DYNC1I1: variants seen among roughly 807,000 people sequenced by gnomAD.
The protein encoded by DYNC1I1 is cytoplasmic dynein 1 intermediate chain 1.
A neutral mutation model predicts 86.6 loss-of-function variants in DYNC1I1; 43 were observed. That is an observed-to-expected ratio of 0.50 (90% CI 0.39 to 0.64). The LOEUF is 0.64. DYNC1I1 is among the 30% of genes least tolerant of loss of function. The pLI, the probability that DYNC1I1 is intolerant of heterozygous loss-of-function variation, is 0.00. For synonymous variants in DYNC1I1, 262 were observed against 283.7 expected, an observed-to-expected ratio of 0.92 and a Z score of 0.77; for missense variants, 604 against 788.8, an observed-to-expected ratio of 0.77 and a Z score of 2.81.
chr7:95,877,707 C>CAGACAGCTA (rs2116206926), intron 6 of DYNC1I1, among the ~76,000 whole-genome samples: 1 of 152,334 alleles, frequency 6.6e-6, no homozygotes, highest in South Asian at 2.1e-4. Flanking sequence ...ACCAGGAAAA[C>CAGACAGCTA]AGACAGCTAA....
chr7:96,089,945 T>A (rs42064), intron 16 of DYNC1I1, among the ~76,000 whole-genome samples: 94,430 of 151,984 alleles, frequency 0.62, 29,917 homozygotes, highest in Middle Eastern at 0.75. Flanking sequence ...AATATGACAG[T>A]TGAGCTTGTG....
Position 95,984,946 on chromosome 7 carries a change from T to C in DYNC1I1, c.712T>C (p.Tyr238His). Reference sequence around the variant, plus strand: ...TGAAGATTCCGACATCTTTTTTGACTACAGCGGCCGAGAGTTAGAGGAAAA... The same window carrying C: ...TGAAGATTCCGACATCTTTTTTGACCACAGCGGCCGAGAGTTAGAGGAAAA... ...LAEDSDIFFD[Y>H]SGRELEEKDG... is the part of the protein sequence containing the mutation. The change falls in exon 8 of 17, where the codon TAC (tyrosine) becomes CAC (histidine). Residue 238 changes from tyrosine (Y) to histidine (H), a missense_variant. Tyr to His is a moderately conservative substitution (Grantham distance 83, BLOSUM62 2). Coordinates refer to ENST00000447467, the MANE Select transcript of DYNC1I1 (RefSeq NM_001135556.2). 6.2e-7 allele frequency: 1 copy of C among 1,613,534 alleles called. No individual in the cohort carries two copies. Among genetic ancestry groups the C allele is most frequent in the Non-Finnish European group, 8.5e-7 (1 of 1,179,664 alleles).
chr7:96,108,674 C>T (rs1364431823), intron 16 of DYNC1I1, among the ~76,000 whole-genome samples: 5 of 151,590 alleles, frequency 3.3e-5, no homozygotes, highest in African/African-American at 1.2e-4. Context: ...CCAGCCTGGC[C>T]AAGATGGTAA....
chr7:96,107,693 G>A (rs529511846), intron 16 of DYNC1I1, among the ~76,000 whole-genome samples: 12 of 151,684 alleles, frequency 7.9e-5, no homozygotes, highest in East Asian at 5.9e-4. Flanking sequence ...CACCACACTC[G>A]GCTAATTTTT....
chr7:95,996,964 TTCTA>T (rs567565660), intron 10 of DYNC1I1, among the ~76,000 whole-genome samples: 3 of 152,206 alleles, frequency 2.0e-5, no homozygotes, highest in African/African-American at 4.8e-5. Context: ...TAGTGCCATT[TTCTA>T]TCTAAGAGCC....
chr7:96,006,306 A>G (rs988286403), intron 10 of DYNC1I1, among the ~76,000 whole-genome samples: 1 of 152,214 alleles, frequency 6.6e-6, no homozygotes, highest in Non-Finnish European at 1.5e-5. Flanking sequence ...CATCACAGGC[A>G]TAAATGACAC....
chr7:96,096,405 A>G (rs1049018848), intron 16 of DYNC1I1, among the ~76,000 whole-genome samples: 1 of 152,114 alleles, frequency 6.6e-6, no homozygotes, highest in Non-Finnish European at 1.5e-5. Context: ...ACTAGTACCT[A>G]TAGGTAAATT....
At position 96,098,285 on chromosome 7, in the gene DYNC1I1, T is replaced by A; in HGVS notation, c.*692T>A. On this transcript the variant is annotated 3_prime_UTR_variant, in exon 17 of 17. Coordinates refer to ENST00000447467, the MANE Select transcript of DYNC1I1 (RefSeq NM_001135556.2). ...TTGCAGTGAACGAAATGAATTTTAATGCCTATTATTTCTGGGTACTTTAAC... is the reference window on the plus strand; with the variant it reads ...TTGCAGTGAACGAAATGAATTTTAAAGCCTATTATTTCTGGGTACTTTAAC... The A allele has an allele frequency of 1.0e-6, 1 of 985,892 alleles. No individual in the cohort carries two copies. 61.1% of individuals were successfully genotyped at this position (985,892 alleles called of 1,614,324 possible). A position where few individuals can be genotyped will look rare whatever the true frequency, so the allele number is the denominator to read the frequency against.
intron 6 of DYNC1I1, among the ~76,000 whole-genome samples, chr7:95,918,372 T>C (rs1474123041): frequency 1.3e-5 from 2 of 152,214 alleles, no homozygotes; most frequent in African/African-American, 4.8e-5. Context: ...TCTGTAGTTT[T>C]CCTTTCAGCC....
intron 6 of DYNC1I1, among the ~76,000 whole-genome samples, chr7:95,940,145 C>T (rs374593357): frequency 6.6e-5 from 10 of 151,940 alleles, no homozygotes; most frequent in African/African-American, 2.2e-4. Context: ...TTCTGGCTTG[C>T]AGAGTTTCTG....
intron 10 of DYNC1I1, among the ~76,000 whole-genome samples, chr7:96,024,812 G>A (rs1460767354): frequency 6.6e-6 from 1 of 152,068 alleles, no homozygotes; most frequent in Non-Finnish European, 1.5e-5. Context: ...CCAAATAGAG[G>A]TAATTGACAG....
intron 6 of DYNC1I1, among the ~76,000 whole-genome samples, chr7:95,877,179 C>T (rs1359066406): frequency 1.3e-5 from 2 of 152,150 alleles, no homozygotes; most frequent in African/African-American, 4.8e-5. Flanking sequence ...ATTTCTCATA[C>T]TGCCCCAGCT....
intron 6 of DYNC1I1, among the ~76,000 whole-genome samples, chr7:95,892,173 G>A (rs1202509944): frequency 1.3e-5 from 2 of 150,232 alleles, no homozygotes; most frequent in African/African-American, 4.9e-5. Flanking sequence ...GTCTTGCTCT[G>A]TCATCCAGGC....
chr7:95,875,342 A>T (rs984652366), intron 6 of DYNC1I1, among the ~76,000 whole-genome samples: 2 of 152,238 alleles, frequency 1.3e-5, no homozygotes, highest in African/African-American at 2.4e-5. Context: ...ATACATTATT[A>T]CGCTTGCAGC....
At chr7:96,082,871 A>G (rs1363051804) in intron 16 of DYNC1I1, among the ~76,000 whole-genome samples, 24 of 152,134 alleles carry the variant, frequency 1.6e-4, no homozygotes, top group Non-Finnish European at 5.9e-5. Flanking sequence ...AAGTGTTGTT[A>G]TACTCATATT....
At chr7:95,951,302 C>A (rs1792546062) in intron 6 of DYNC1I1, among the ~76,000 whole-genome samples, 2 of 152,050 alleles carry the variant, frequency 1.3e-5, no homozygotes, top group Non-Finnish European at 2.9e-5. Context: ...ATCACAAAAC[C>A]CTTACAGCCT....
At chr7:95,882,808 C>T (rs540133954) in intron 6 of DYNC1I1, among the ~76,000 whole-genome samples, 4 of 152,282 alleles carry the variant, frequency 2.6e-5, no homozygotes, top group Non-Finnish European at 4.4e-5. Flanking sequence ...ATAGGACTCT[C>T]CCTTCGTCTA....
intron 7 of DYNC1I1, 99 bp downstream of exon 7, chr7:95,977,700 G>T (rs1793344426): frequency 1.9e-6 from 2 of 1,030,516 alleles, no homozygotes; most frequent in South Asian, 1.9e-5. Context: ...AATTGAATTT[G>T]CATCCCCTAT....
chr7:95,819,669 A>G lies in DYNC1I1; in HGVS notation c.314+6332A>G, dbSNP rs76563141. Among the ~76,000 whole-genome samples the G allele has an allele frequency of 9.5e-3, 1,441 of 152,320 alleles. 18 individuals are homozygous for G. The highest frequency in any genetic ancestry group is 0.032 in the African/African-American group (1,347 of 41,560). Reference sequence around the variant, plus strand: ...AATTTTGCTTATACAAAAAAATTTTAAAGTATCATTATATAAAGAGAGATT... The same window carrying G: ...AATTTTGCTTATACAAAAAAATTTTGAAGTATCATTATATAAAGAGAGATT... On this transcript the variant is annotated intron_variant, in intron 4 of 16. Transcript: ENST00000447467.
Sources: gnomAD v4.1 joint callset for allele counts (sites outside exome capture counted in the v4.1 genomes callset) on GRCh38, gnomAD v4.1.1 for gene constraint, MANE v1.5 for transcripts, NCBI Gene and HGNC (gene_info 2026-07-23, HGNC 2026-07-21) for gene names.